Variants in NMT2 observed in about 807,000 individuals in gnomAD.
NMT2 encodes the protein N-myristoyltransferase 2, also known as glycylpeptide N-tetradecanoyltransferase 2.
Under a neutral mutation model 65.4 loss-of-function variants are expected in NMT2, and 35 were observed. The observed-to-expected ratio is 0.54, with a 90% confidence interval of 0.41 to 0.71. The LOEUF (loss-of-function observed/expected upper bound fraction) is 0.71. Ranked by LOEUF, NMT2 falls within the 30% of genes least tolerant of loss-of-function variation. NMT2 has a pLI of 0.00. For missense variants in NMT2, 489 were observed against 611.3 expected, an observed-to-expected ratio of 0.80 and a Z score of 2.11; for synonymous variants, 226 against 231.8, an observed-to-expected ratio of 0.98 and a Z score of 0.23.
chr10:15,148,006 T>C (rs1365378589), intron 1 of NMT2, among the ~76,000 whole-genome samples: 2 of 152,202 alleles, frequency 1.3e-5, no homozygotes, highest in South Asian at 2.1e-4. Flanking sequence ...CCAGAATATA[T>C]ACAAAGGTCT....
intron 1 of NMT2, among the ~76,000 whole-genome samples, chr10:15,155,589 C>T (rs1366769105): frequency 7.2e-6 from 1 of 138,982 alleles, no homozygotes; most frequent in African/African-American, 2.7e-5. Flanking sequence ...TGCTATATTA[C>T]CCAGACTGAT....
rs201561074 is a variant in NMT2 at position 15,139,863 on chromosome 10, C to CTATATA, written c.246+1553_246+1558dup. The CTATATA allele has an allele frequency of 3.2e-3, 224 of 69,524 alleles. 6 individuals are homozygous for CTATATA. The highest frequency in any genetic ancestry group is 4.6e-3 in the Non-Finnish European group (128 of 27,624). 4.3% of individuals were successfully genotyped at this position (69,524 alleles called of 1,614,324 possible). A position where few individuals can be genotyped will look rare whatever the true frequency, so the allele number is the denominator to read the frequency against. ...AAAGCTTGTAGAATGGTAACAACTA[C>CTATATA]TATATATATATATATATATATATAT... On this transcript the variant is annotated intron_variant, in intron 2 of 11. Transcript: ENST00000378165.
chr10:15,137,983 G>A (rs1310582135), intron 2 of NMT2, among the ~76,000 whole-genome samples: 1 of 148,564 alleles, frequency 6.7e-6, no homozygotes, highest in Non-Finnish European at 1.5e-5. Flanking sequence ...CTATTTAAAT[G>A]CTTTCTTTCT....
At chr10:15,145,435 A>G (rs1162696517) in intron 1 of NMT2, among the ~76,000 whole-genome samples, 1 of 151,232 alleles carries the variant, frequency 6.6e-6, no homozygotes, top group Admixed American at 6.6e-5. Context: ...GCTGGAGTGC[A>G]GTGGTGCCAT....
chr10:15,132,125 C>T (rs1846307389), intron 6 of NMT2, among the ~76,000 whole-genome samples: 1 of 152,062 alleles, frequency 6.6e-6, no homozygotes, highest in African/African-American at 2.4e-5. Context: ...TCGGCCCCGA[C>T]CAAAGTCCTG....
intron 1 of NMT2, among the ~76,000 whole-genome samples, chr10:15,159,583 G>A (rs779819863): frequency 1.3e-5 from 2 of 151,960 alleles, no homozygotes; most frequent in Non-Finnish European, 1.5e-5. Flanking sequence ...GCCCGCCATC[G>A]TGCCAGACTG....
rs865965506 is a variant in NMT2 at position 15,107,833 on chromosome 10, T to C, written c.*1362A>G. The C allele has an allele frequency of 8.1e-6, 8 of 985,732 alleles. No homozygotes were observed. Among genetic ancestry groups the C allele is most frequent in the Middle Eastern group, 5.2e-4 (1 of 1,936 alleles). 61.1% of individuals were successfully genotyped at this position (985,732 alleles called of 1,614,324 possible). The stretch of plus-strand genomic sequence containing the variant: ...AGCATCTTATTTTTCCCGCAGATTA[T>C]TGGCAATATAAACACACATCTGTAA... On this transcript the variant is annotated 3_prime_UTR_variant, in exon 12 of 12. Coordinates refer to ENST00000378165, the MANE Select transcript of NMT2 (RefSeq NM_004808.3).
intron 1 of NMT2, among the ~76,000 whole-genome samples, chr10:15,146,479 C>T (rs1351228985): frequency 6.6e-6 from 1 of 152,170 alleles, no homozygotes; most frequent in African/African-American, 2.4e-5. Context: ...TGGCCACTGA[C>T]TGAGTTCCAG....
chr10:15,136,691 C>G (rs1419182310), intron 2 of NMT2, among the ~76,000 whole-genome samples: 2 of 152,152 alleles, frequency 1.3e-5, no homozygotes, highest in Admixed American at 6.5e-5. Context: ...ACTTCAGATC[C>G]TGGGCAACCA....
At chr10:15,164,575 C>T (rs756827101) in intron 1 of NMT2, among the ~76,000 whole-genome samples, 70 of 152,184 alleles carry the variant, frequency 4.6e-4, no homozygotes, top group Non-Finnish European at 3.1e-4. Context: ...AAAAGGACAG[C>T]GAGAAGACAG....
At chr10:15,146,570 G>A (rs1846971053) in intron 1 of NMT2, among the ~76,000 whole-genome samples, 1 of 152,170 alleles carries the variant, frequency 6.6e-6, no homozygotes, top group African/African-American at 2.4e-5. Context: ...TGTCCTTTGT[G>A]CTGTCTGGAT....
rs557871432 is a variant in NMT2, at chr10:15,139,558, G to C, written c.246+1864C>G. ...AGCGACATTTAGAAACGGGAAGAGT[G>C]TTTTGCAAGCTTATGGTGGTATCCT... On this transcript the variant is annotated intron_variant, in intron 2 of 11. Coordinates refer to ENST00000378165, the MANE Select transcript of NMT2 (RefSeq NM_004808.3). 1.9e-3 allele frequency among the ~76,000 whole-genome samples: 285 copies of C among 152,124 alleles called. 1 individual carries two copies. The highest frequency in any genetic ancestry group is 3.4e-3 in the Non-Finnish European group (234 of 67,988).
intron 2 of NMT2, among the ~76,000 whole-genome samples, chr10:15,135,664 G>A (rs763549221): frequency 2.0e-5 from 3 of 152,096 alleles, no homozygotes; most frequent in African/African-American, 4.8e-5. Flanking sequence ...ATTGAAGCAC[G>A]CTTTGCTTCA....
chr10:15,135,677 T>A (rs1435004307), intron 2 of NMT2, among the ~76,000 whole-genome samples: 1 of 152,140 alleles, frequency 6.6e-6, no homozygotes, highest in Non-Finnish European at 1.5e-5. Context: ...TTGCTTCAGT[T>A]TCCCATCCAT....
Position 15,151,514 on chromosome 10 carries a change from T to C in NMT2, c.111-9957A>G, listed in dbSNP as rs74777719. Reference sequence around the variant, plus strand: ...GAAGTTTAGTTTGTGAAGTAAGACCTGGCTTTGTAGACAGTGCAAGGTCGG... The same window carrying C: ...GAAGTTTAGTTTGTGAAGTAAGACCCGGCTTTGTAGACAGTGCAAGGTCGG... On this transcript the variant is annotated intron_variant, in intron 1 of 11. Transcript: ENST00000378165. 4.0e-3 allele frequency among the ~76,000 whole-genome samples: 611 copies of C among 152,358 alleles called. 3 individuals carry two copies. Among genetic ancestry groups the C allele is most frequent in the African/African-American group, 0.013 (542 of 41,586 alleles).
At chr10:15,162,815 TC>T (rs2057504794) in intron 1 of NMT2, among the ~76,000 whole-genome samples, 1 of 148,310 alleles carries the variant, frequency 6.7e-6, no homozygotes, top group African/African-American at 2.4e-5. Context: ...ATATTATATA[TC>T]TGTATTTGAT....
intron 1 of NMT2, among the ~76,000 whole-genome samples, chr10:15,150,909 T>C (rs1832778999): frequency 6.6e-6 from 1 of 152,214 alleles, no homozygotes; most frequent in Non-Finnish European, 1.5e-5. Context: ...CTAGTCCAGT[T>C]TGTTAACTAG....
At chr10:15,143,213 A>G (rs10906836) in intron 1 of NMT2, among the ~76,000 whole-genome samples, 17,954 of 152,174 alleles carry the variant, frequency 0.12, 1,130 homozygotes, top group African/African-American at 0.16. Flanking sequence ...ACTTACTATC[A>G]AGTAATTATT....
intron 1 of NMT2, among the ~76,000 whole-genome samples, chr10:15,154,544 C>A (rs1430512995): frequency 1.3e-5 from 2 of 152,170 alleles, no homozygotes; most frequent in Non-Finnish European, 2.9e-5. Context: ...AGCCTATGCA[C>A]AAAGGTATTT....
Sources: allele counts gnomAD v4.1 joint callset (sites outside exome capture counted in the v4.1 genomes callset), GRCh38; gene constraint gnomAD v4.1.1; transcripts MANE v1.5; gene names NCBI Gene and HGNC (gene_info 2026-07-23, HGNC 2026-07-21).